The following RTF2 variants were observed in gnomAD, a reference collection of about 807,000 sequenced individuals.
RTF2 encodes the protein replication termination factor 2.
RTF2 carries 18 observed loss-of-function variants against 38.0 expected under a neutral mutation model. The observed-to-expected ratio is 0.47, with a 90% CI of 0.33 to 0.70. RTF2 has a LOEUF of 0.70. Ranked by LOEUF, RTF2 falls within the 30% of genes least tolerant of loss-of-function variation. RTF2 has a pLI of 0.02. For synonymous variants in RTF2, 126 were observed against 137.1 expected, an observed-to-expected ratio of 0.92 and a Z score of 0.57; for missense variants, 311 against 379.6, an observed-to-expected ratio of 0.82 and a Z score of 1.50.
At chr20:56,502,305 C>T (rs1256668099) in intron 5 of RTF2, among the ~76,000 whole-genome samples, 2 of 152,152 alleles carry the variant, frequency 1.3e-5, no homozygotes, top group Non-Finnish European at 2.9e-5. Flanking sequence ...AAAGTACTTC[C>T]AGGGAGTTGT....
intron 2 of RTF2, among the ~76,000 whole-genome samples, chr20:56,474,344 G>T (rs978787848): frequency 2.6e-5 from 4 of 152,162 alleles, no homozygotes; most frequent in African/African-American, 9.7e-5. Flanking sequence ...AGCCAGGCAT[G>T]GTGGCAGGCG....
intron 5 of RTF2, among the ~76,000 whole-genome samples, chr20:56,510,585 TA>T (rs555429554): frequency 5.3e-5 from 8 of 152,286 alleles, no homozygotes; most frequent in African/African-American, 1.7e-4. Flanking sequence ...ACCCAACTCA[TA>T]GGGGGCAGAG....
chr20:56,484,260 C>A, intron 5 of RTF2, 71 bp downstream of exon 5: 2 of 1,246,560 alleles, frequency 1.6e-6, no homozygotes, highest in South Asian at 1.2e-5. Context: ...GGGTCCTTTC[C>A]CTCCATTTGT....
At chr20:56,470,667 G>T (rs1367570520) in intron 1 of RTF2, 1 of 456,018 alleles carries the variant, frequency 2.2e-6, no homozygotes, top group Admixed American at 2.3e-5. Flanking sequence ...TAGAAGCCTG[G>T]AACTTTCAGC....
intron 5 of RTF2, among the ~76,000 whole-genome samples, chr20:56,487,726 C>G (rs1982870116): frequency 1.3e-5 from 2 of 152,202 alleles, no homozygotes; most frequent in Non-Finnish European, 2.9e-5. Flanking sequence ...TCTTATAGTT[C>G]TGGAGACTAA....
At chr20:56,500,400 G>A (rs1983852418) in intron 5 of RTF2, among the ~76,000 whole-genome samples, 1 of 152,194 alleles carries the variant, frequency 6.6e-6, no homozygotes, top group African/African-American at 2.4e-5. Context: ...TGTTCCTCCT[G>A]TCACAGAAGT....
rs565794904 is a variant in RTF2 at position 56,471,423 on chromosome 20, C to T, written c.70-1878C>T. Among the ~76,000 whole-genome samples, 6 of 152,188 alleles carry T rather than the reference C, an allele frequency of 3.9e-5. No individual in the cohort carries two copies. The East Asian group carries it at 9.7e-4, about 25-fold the overall frequency. On this transcript the variant is annotated intron_variant, in intron 1 of 8. Transcript: ENST00000357348. The stretch of plus-strand genomic sequence containing the variant: ...CTCCACTAAAAATACAAAAAAGTTG[C>T]CGGGCATGGTGGCAGGTGCCTGTAG...
At chr20:56,499,194 C>CTT (rs774875921) in intron 5 of RTF2, among the ~76,000 whole-genome samples, 82 of 133,032 alleles carry the variant, frequency 6.2e-4, no homozygotes, top group Admixed American at 8.5e-4. Flanking sequence ...TAATACTTAT[C>CTT]TTTTTTTTTT....
In RTF2 at chr20:56,479,854, G is replaced by T. The variant is rs575656956; in HGVS notation, c.398+2730G>T. On this transcript the variant is annotated intron_variant, in intron 4 of 8. Transcript: ENST00000357348. ...TTTTTTTTGAGCAGTAAGTCTCAACGCTGGGCTTAAAATATTCCGTAAGCC... is the reference window on the plus strand; with the variant it reads ...TTTTTTTTGAGCAGTAAGTCTCAACTCTGGGCTTAAAATATTCCGTAAGCC... Among the ~76,000 whole-genome samples the T allele has an allele frequency of 3.5e-5, 5 of 143,792 alleles. No individual in the cohort carries two copies. The Admixed American group carries it at 3.7e-4, about 11-fold the overall frequency. The allele number at this position is 143,792 out of a possible 152,430, so 94.3% of individuals were successfully genotyped here.
chr20:56,476,741 C>G (rs1030057259), intron 3 of RTF2, among the ~76,000 whole-genome samples: 1 of 152,092 alleles, frequency 6.6e-6, no homozygotes. Context: ...TCAGGTGATC[C>G]GCCTGCCTCG....
At position 56,468,663 on chromosome 20, in the gene RTF2, G is replaced by T. The variant is rs757451060; in HGVS notation, c.-35G>T. ...CGGAAATCCCGGAAGTGACAGCTTTGGGGGTTTGCTGCTGGCTCTGACTCC... is the reference window on the plus strand; with the variant it reads ...CGGAAATCCCGGAAGTGACAGCTTTTGGGGTTTGCTGCTGGCTCTGACTCC... On this transcript the variant is annotated 5_prime_UTR_variant, in exon 1 of 9. Coordinates refer to ENST00000357348, the MANE Select transcript of RTF2 (RefSeq NM_016407.5). The T allele has an allele frequency of 6.5e-6, 10 of 1,547,090 alleles. No individual in the cohort carries two copies. Among genetic ancestry groups the T allele is most frequent in the Non-Finnish European group, 8.8e-6 (10 of 1,141,998 alleles).
At chr20:56,509,611 CAAAA>C (rs567362731) in intron 5 of RTF2, among the ~76,000 whole-genome samples, 3 of 106,024 alleles carry the variant, frequency 2.8e-5, no homozygotes, top group African/African-American at 1.1e-4. Flanking sequence ...GATCCCATCT[CAAAA>C]AAAAAAAAAA....
rs1985082449 is a variant in RTF2, at chr20:56,516,979, T to G, written c.636T>G (p.Asp212Glu). ...CAGCAGAGTCTGTTTCAAAACCAGA[T>G]GTCAGTGAAGGTAAGATCCTTCAAG... Reference protein sequence around the residue: ...PKAAESVSKPDVSEEAPGPSK... With the variant: ...PKAAESVSKPEVSEEAPGPSK... Residue 212 changes from aspartate to glutamate, a missense_variant, in exon 7 of 9, where the codon GAT becomes GAG. By Grantham distance (45) the Asp-to-Glu change is conservative (BLOSUM62 2). Transcript: ENST00000357348. The G allele has an allele frequency of 6.8e-6, 11 of 1,614,050 alleles. No individual in the cohort carries two copies. Among genetic ancestry groups the G allele is most frequent in the Non-Finnish European group, 9.3e-6 (11 of 1,179,892 alleles).
At chr20:56,512,137 G>A (rs1447265071) in intron 5 of RTF2, among the ~76,000 whole-genome samples, 3 of 152,098 alleles carry the variant, frequency 2.0e-5, no homozygotes, top group Non-Finnish European at 2.9e-5. Flanking sequence ...ATAAGCCACC[G>A]CGCCCAGTCT....
At chr20:56,478,916 A>C (rs1413419243) in intron 4 of RTF2, among the ~76,000 whole-genome samples, 1 of 152,232 alleles carries the variant, frequency 6.6e-6, no homozygotes, top group Non-Finnish European at 1.5e-5. Flanking sequence ...TTTCAAATCT[A>C]TCATAACAAT....
intron 5 of RTF2, chr20:56,496,922 A>AT (rs1983583063): frequency 1.3e-6 from 2 of 1,551,384 alleles, no homozygotes; most frequent in Admixed American, 2.0e-5. Flanking sequence ...CAGGAGTAAT[A>AT]TTTTTATCAC....
chr20:56,500,525 A>G (rs1568704775), intron 5 of RTF2, among the ~76,000 whole-genome samples: 2 of 152,218 alleles, frequency 1.3e-5, no homozygotes. Context: ...AGAGGCCCCA[A>G]GGGTAGCCAT....
intron 2 of RTF2, among the ~76,000 whole-genome samples, chr20:56,474,124 T>A (rs1169314931): frequency 6.6e-6 from 1 of 152,222 alleles, no homozygotes; most frequent in Admixed American, 6.5e-5. Flanking sequence ...AATTTCCCAA[T>A]TAAAAAAAGC....
intron 2 of RTF2, 108 bp downstream of exon 2, chr20:56,473,503 T>A: frequency 1.3e-6 from 1 of 748,954 alleles, no homozygotes; most frequent in Admixed American, 2.2e-5. Context: ...CAAGCAAATT[T>A]GTGAGGCATA....
Sources: gnomAD v4.1 joint callset for allele counts (sites outside exome capture counted in the v4.1 genomes callset) on GRCh38, gnomAD v4.1.1 for gene constraint, MANE v1.5 for transcripts, NCBI Gene and HGNC (gene_info 2026-07-23, HGNC 2026-07-21) for gene names.